TIAM1: variants seen among roughly 807,000 people sequenced by gnomAD.
The protein encoded by TIAM1 is rho guanine nucleotide exchange factor TIAM1.
In TIAM1, 65 loss-of-function variants were observed where a neutral mutation model predicts 163.5. The ratio of observed to expected loss-of-function variants is 0.40; its 90% CI spans 0.33 to 0.49. The LOEUF (loss-of-function observed/expected upper bound fraction) is 0.49. TIAM1 is among the 20% of genes least tolerant of loss of function. The pLI is 0.77. For missense variants in TIAM1, 1,789 were observed against 2,044.7 expected (o/e 0.87, Z 2.41); for synonymous variants, 833 against 810.1 (o/e 1.03, Z -0.48).
intron 2 of TIAM1, among the ~76,000 whole-genome samples, chr21:31,338,162 C>T (rs756519917): frequency 2.6e-5 from 4 of 152,216 alleles, no homozygotes; most frequent in East Asian, 3.9e-4. Context: ...CGCTGCTGTG[C>T]GTCTGGATGC....
chr21:31,152,533 C>G (rs1238724573), intron 19 of TIAM1, 103 bp downstream of exon 19: 1 of 1,484,626 alleles, frequency 6.7e-7, no homozygotes, highest in African/African-American at 1.4e-5. Flanking sequence ...CCCTTAGGAA[C>G]AGACCCCACT....
chr21:31,232,530 G>A (rs1413208091), intron 6 of TIAM1, among the ~76,000 whole-genome samples: 1 of 152,148 alleles, frequency 6.6e-6, no homozygotes, highest in African/African-American at 2.4e-5. Context: ...CTAGTTGGGT[G>A]GAGAAAAAGT....
At position 31,135,865 on chromosome 21, in the gene TIAM1, GAAATGTTCTTGTTTTGA is replaced by G. The variant is rs2082601343; in HGVS notation, c.3883+51_3883+67del. On this transcript the variant is annotated intron_variant, in intron 23 of 27. Coordinates refer to ENST00000541036, the MANE Select transcript of TIAM1 (RefSeq NM_001353694.2). ...TTTTAATCAATTGGGTCTTGAAAAA[GAAATGTTCTTGTTTTGA>G]AAACTAAGCTAGACTTTTCCCCCTC... The G allele has an allele frequency of 2.8e-6, 4 of 1,438,352 alleles. No individual in the cohort carries two copies. The East Asian group carries it at 9.1e-5, about 33-fold the overall frequency. 89.1% of individuals were successfully genotyped at this position (1,438,352 alleles called of 1,614,324 possible).
intron 2 of TIAM1, among the ~76,000 whole-genome samples, chr21:31,408,439 C>A (rs1169277157): frequency 1.3e-5 from 2 of 152,168 alleles, no homozygotes; most frequent in African/African-American, 4.8e-5. Flanking sequence ...TACGGACTCT[C>A]TTTCCCGAGT....
intron 16 of TIAM1, chr21:31,160,365 G>A (rs945172820): frequency 1.3e-5 from 5 of 398,050 alleles, no homozygotes; most frequent in African/African-American, 2.1e-5. Flanking sequence ...ACTGTCATTC[G>A]GATTGAAAAA....
At chr21:31,296,865 G>A (rs1307956559) in intron 2 of TIAM1, among the ~76,000 whole-genome samples, 1 of 152,116 alleles carries the variant, frequency 6.6e-6, no homozygotes, top group African/African-American at 2.4e-5. Flanking sequence ...GGGTTTCATC[G>A]TGTTAGCCAG....
chr21:31,317,381 A>C (rs1230123260), intron 2 of TIAM1, among the ~76,000 whole-genome samples: 2 of 152,214 alleles, frequency 1.3e-5, no homozygotes, highest in Non-Finnish European at 2.9e-5. Flanking sequence ...TGAACTCGGG[A>C]GGCGGAGGTT....
At chr21:31,363,938 C>T (rs1406933105) in intron 2 of TIAM1, among the ~76,000 whole-genome samples, 4 of 152,172 alleles carry the variant, frequency 2.6e-5, no homozygotes, top group Non-Finnish European at 5.9e-5. Context: ...AAGTATTTTG[C>T]TTTAAGAGAG....
At chr21:31,486,550 C>T (rs2046278751) in intron 1 of TIAM1, among the ~76,000 whole-genome samples, 1 of 152,268 alleles carries the variant, frequency 6.6e-6, no homozygotes, top group Admixed American at 6.5e-5. Context: ...CCCTGAGGTG[C>T]TGCTCTGGGC....
rs565737382 is a variant in TIAM1, at chr21:31,146,864, A to AC, written c.3475+30dup. 2.1e-4 allele frequency: 337 copies of AC among 1,573,984 alleles called. 4 individuals are homozygous for AC. In the East Asian group the frequency reaches 7.5e-3, roughly 35 times the overall value. On this transcript the variant is annotated intron_variant, in intron 20 of 27. Coordinates refer to ENST00000541036, the MANE Select transcript of TIAM1 (RefSeq NM_001353694.2). ...CAGCCACACAACTGACAAGCAACAC[A>AC]CCCCCACCTCCACATCCTCAGAGGC...
chr21:31,193,347 A>G (rs2085660216), intron 13 of TIAM1, among the ~76,000 whole-genome samples: 1 of 152,164 alleles, frequency 6.6e-6, no homozygotes. Flanking sequence ...GTGAACGCCT[A>G]CTTTCCTCCT....
intron 12 of TIAM1, among the ~76,000 whole-genome samples, chr21:31,197,873 C>T (rs1032044836): frequency 2.9e-4 from 44 of 152,306 alleles, no homozygotes; most frequent in African/African-American, 9.1e-4. Context: ...CCAGGTCTCA[C>T]TGGCTCTAGA....
At chr21:31,392,344 G>GT (rs2147197785) in intron 2 of TIAM1, among the ~76,000 whole-genome samples, 1 of 152,184 alleles carries the variant, frequency 6.6e-6, no homozygotes, top group African/African-American at 2.4e-5. Context: ...GCAGAGGCGG[G>GT]TAGATCACCT....
At chr21:31,280,822 G>A (rs1284359149) in intron 2 of TIAM1, among the ~76,000 whole-genome samples, 1 of 150,296 alleles carries the variant, frequency 6.7e-6, no homozygotes, top group African/African-American at 2.5e-5. Context: ...ACTTGGGGGT[G>A]GGGGGGCAGG....
intron 11 of TIAM1, among the ~76,000 whole-genome samples, chr21:31,203,937 C>T (rs1053902732): frequency 6.6e-6 from 1 of 152,194 alleles, no homozygotes; most frequent in Non-Finnish European, 1.5e-5. Flanking sequence ...CTGAATGACT[C>T]GCTCAAAGAA....
chr21:31,372,307 C>T (rs1415396776), intron 2 of TIAM1, among the ~76,000 whole-genome samples: 2 of 152,154 alleles, frequency 1.3e-5, no homozygotes, highest in African/African-American at 2.4e-5. Flanking sequence ...AAAAACTGGG[C>T]TTGAGGAGCT....
At chr21:31,417,563 T>C (rs2147252335) in intron 2 of TIAM1, among the ~76,000 whole-genome samples, 1 of 152,186 alleles carries the variant, frequency 6.6e-6, no homozygotes, top group African/African-American at 2.4e-5. Flanking sequence ...TCCCACTGGG[T>C]CCCTCCCACA....
At chr21:31,434,867 C>T (rs1204372532) in intron 2 of TIAM1, among the ~76,000 whole-genome samples, 1 of 152,200 alleles carries the variant, frequency 6.6e-6, no homozygotes, top group Non-Finnish European at 1.5e-5. Flanking sequence ...CTTTTGCCAA[C>T]AAGTGACCTC....
At chr21:31,164,678 T>C (rs567742786) in intron 16 of TIAM1, among the ~76,000 whole-genome samples, 74 of 152,066 alleles carry the variant, frequency 4.9e-4, no homozygotes, top group Non-Finnish European at 8.4e-4. Context: ...AATAGGGAAA[T>C]GGAATAAAAT....
Sources: gnomAD v4.1 joint callset for allele counts (sites outside exome capture counted in the v4.1 genomes callset) on GRCh38, gnomAD v4.1.1 for gene constraint, MANE v1.5 for transcripts, NCBI Gene and HGNC (gene_info 2026-07-23, HGNC 2026-07-21) for gene names.